SPG11: variants seen among roughly 807,000 people sequenced by gnomAD.
SPG11 encodes SPG11 vesicle trafficking associated, spatacsin.
A neutral mutation model predicts 274.0 loss-of-function variants in SPG11; 222 were observed. The ratio of observed to expected loss-of-function variants is 0.81; its 90% CI spans 0.73 to 0.91. SPG11 has a LOEUF of 0.91. SPG11 is among the 40% of genes least tolerant of loss of function. The pLI, the probability that SPG11 is intolerant of heterozygous loss-of-function variation, is 0.00. For synonymous variants in SPG11, 1,144 were observed against 1,039.7 expected, an observed-to-expected ratio of 1.10 and a Z score of -1.93; for missense variants, 3,114 against 2,872.7, an observed-to-expected ratio of 1.08 and a Z score of -1.92.
In SPG11 at chr15:44,574,886, A is replaced by AC. The variant is rs758198610; in HGVS notation, c.6006+15dup. 168 of 1,613,070 alleles carry AC rather than the reference A, an allele frequency of 1.0e-4. No individual in the cohort carries two copies. The highest frequency in any genetic ancestry group is 1.3e-4 in the Non-Finnish European group (158 of 1,179,946). Reference sequence around the variant, plus strand: ...CCTCCCTCTCAGAAAGAGGAGCCCCACCCCTTGGCACATACCTTGGCAAGA... The same window carrying AC: ...CCTCCCTCTCAGAAAGAGGAGCCCCACCCCCTTGGCACATACCTTGGCAAGA... On this transcript the variant is annotated intron_variant, in intron 31 of 39. Coordinates refer to ENST00000261866, the MANE Select transcript of SPG11 (RefSeq NM_025137.4).
At position 44,652,219 on chromosome 15, in the gene SPG11, G is replaced by C; in HGVS notation, c.917C>G (p.Pro306Arg). The change falls in exon 5 of 40, where the codon CCT (proline) becomes CGT (arginine). Residue 306 changes from proline to arginine, a missense_variant. By Grantham distance (103) the Pro-to-Arg change is moderately radical. Transcript: ENST00000261866. Reference protein sequence around the residue: ...LLCERILEDLPIQGPKGVDED... With the variant: ...LLCERILEDLRIQGPKGVDED... ...ATCTACGCCCTTAGGTCCTTGAATA[G>C]GAAGATCTTCTAGTATTCTTTCACA... 1 of 1,614,068 alleles carries C rather than the reference G, an allele frequency of 6.2e-7. No homozygotes were observed.
At chr15:44,572,311 AG>A in intron 33 of SPG11, among the ~76,000 whole-genome samples, 1 of 151,976 alleles carries the variant, frequency 6.6e-6, no homozygotes, top group Non-Finnish European at 1.5e-5. Flanking sequence ...GAAAATAAAC[AG>A]GCTTTGAATC....
Position 44,629,251 on chromosome 15 carries a change from G to A in SPG11, c.1873C>T (p.Leu625Phe). ...TTCTTACCTTCAGTGTGAATGAAAA[G>A]CTCCTTTATTTGGTTGTTAAGGAAA... Reference protein sequence around the residue: ...LSFLNNQIKELFIHTEELDEH... With the variant: ...LSFLNNQIKEFFIHTEELDEH... Residue 625 changes from leucine (L) to phenylalanine (F), a missense_variant, in exon 9 of 40, where the codon CTT becomes TTT. By Grantham distance (22) the Leu-to-Phe change is conservative. Transcript: ENST00000261866. 1 of 1,614,020 alleles carries A rather than the reference G, an allele frequency of 6.2e-7. No individual in the cohort carries two copies. Among genetic ancestry groups the A allele is most frequent in the Non-Finnish European group, 8.5e-7 (1 of 1,179,936 alleles).
chr15:44,579,025 G>A (rs886065779), intron 30 of SPG11, among the ~76,000 whole-genome samples: 1 of 151,672 alleles, frequency 6.6e-6, no homozygotes, highest in African/African-American at 2.4e-5. Context: ...AGGTGTGGTG[G>A]TGCACACCTG....
In SPG11 at chr15:44,565,869, T is replaced by G; in HGVS notation, c.6984A>C (p.Leu2328=). ...TCTTGCTCACCTGGTAGAACCGAGG[T>G]AGGGCCAGAATACAGTCCATCAGCT... The part of the protein sequence containing the change: ...RHKLMDCILA[L]PRFYQASIVA... The change falls in exon 38 of 40, where the codon CTA becomes CTC. Residue 2328 remains leucine, a synonymous_variant. Coordinates refer to ENST00000261866, the MANE Select transcript of SPG11 (RefSeq NM_025137.4). 1 of 1,614,054 alleles carries G rather than the reference T, an allele frequency of 6.2e-7. No homozygotes were observed. Among genetic ancestry groups the G allele is most frequent in the African/African-American group, 1.3e-5 (1 of 75,028 alleles).
intron 30 of SPG11, 94 bp downstream of exon 30, chr15:44,583,720 G>T: frequency 1.3e-6 from 2 of 1,563,282 alleles, no homozygotes; most frequent in African/African-American, 2.7e-5. Context: ...CCTTAACTTG[G>T]TAGAACTATT....
intron 7 of SPG11, among the ~76,000 whole-genome samples, chr15:44,636,238 C>T (rs149762914): frequency 1.6e-4 from 25 of 151,666 alleles, no homozygotes; most frequent in African/African-American, 5.1e-4. Context: ...AGGTGACACC[C>T]GCCAAAAAAA....
chr15:44,663,337 G>C, intron 1 of SPG11, 54 bp downstream of exon 1: 1 of 1,574,286 alleles, frequency 6.4e-7, no homozygotes. Flanking sequence ...GGCTCAGTCA[G>C]CCGAGCCTAG....
In SPG11 at chr15:44,565,726, G is replaced by T. The variant is rs982891186; in HGVS notation, c.6999+128C>A. 22 of 1,164,148 alleles carry T rather than the reference G, an allele frequency of 1.9e-5. No homozygotes were observed. In the African/African-American group the frequency reaches 3.0e-4, roughly 16 times the overall value. The allele number at this position is 1,164,148 out of a possible 1,614,324, so 72.1% of individuals were successfully genotyped here. On this transcript the variant is annotated intron_variant, in intron 38 of 39. Transcript: ENST00000261866. ...ATTGCCGTTCTATGTTGGTATCAGA[G>T]AGTTAAATCAGAACTGTACTGTCCT...
At chr15:44,566,374 G>T in intron 36 of SPG11, 69 bp from the exon 37 acceptor site, 5 of 1,462,828 alleles carry the variant, frequency 3.4e-6, no homozygotes, top group Non-Finnish European at 4.7e-6. Context: ...CCCACTCATT[G>T]TGATCGTGGC....
chr15:44,622,295 A>G lies in SPG11; in HGVS notation c.2369T>C (p.Ile790Thr), dbSNP rs2083775510. Residue 790 changes from isoleucine (I) to threonine (T), a missense_variant, in exon 13 of 40, where the codon ATA (isoleucine) becomes ACA (threonine). Ile to Thr is a moderately conservative substitution (Grantham distance 89). Coordinates refer to ENST00000261866, the MANE Select transcript of SPG11 (RefSeq NM_025137.4). ...CTTCTCAACTTGATGCACGAAGTCTATAGTTCTTTTCTCTTTTTCAGAAAA... is the reference window on the plus strand; with the variant it reads ...CTTCTCAACTTGATGCACGAAGTCTGTAGTTCTTTTCTCTTTTTCAGAAAA... ...NYFSEKEKRTIDFVHQVEKLY... is the reference protein window; with the variant it reads ...NYFSEKEKRTTDFVHQVEKLY... The G allele has an allele frequency of 6.3e-7, 1 of 1,583,954 alleles. No individual in the cohort carries two copies. The highest frequency in any genetic ancestry group is 8.6e-7 in the Non-Finnish European group (1 of 1,156,640).
chr15:44,566,103 G>C, intron 37 of SPG11, 94 bp from the exon 38 acceptor site: 1 of 1,592,398 alleles, frequency 6.3e-7, no homozygotes, highest in Non-Finnish European at 8.6e-7. Flanking sequence ...TTCTGTTCCT[G>C]GTTGGCCTAT....
At chr15:44,642,182 A>G (rs2084469587) in intron 7 of SPG11, among the ~76,000 whole-genome samples, 1 of 151,476 alleles carries the variant, frequency 6.6e-6, no homozygotes, top group South Asian at 2.1e-4. Flanking sequence ...TCTGGCAAAT[A>G]TCGTGAAACC....
At chr15:44,647,406 C>G (rs1223857355) in intron 7 of SPG11, among the ~76,000 whole-genome samples, 2 of 152,196 alleles carry the variant, frequency 1.3e-5, no homozygotes, top group Admixed American at 1.3e-4. Flanking sequence ...AGTAATTCCA[C>G]AGCTAGGTAT....
In SPG11 at chr15:44,613,526, C is replaced by T; in HGVS notation, c.3049G>A (p.Glu1017Lys). 2 of 1,610,592 alleles carry T rather than the reference C, an allele frequency of 1.2e-6. No homozygotes were observed. The highest frequency in any genetic ancestry group is 2.2e-5 in the East Asian group (1 of 44,798). The change falls in exon 17 of 40, where the codon GAA becomes AAA. Residue 1017 changes from glutamate (E) to lysine (K), a missense_variant. By Grantham distance (56) the Glu-to-Lys change is moderately conservative. Coordinates refer to ENST00000261866, the MANE Select transcript of SPG11 (RefSeq NM_025137.4). ...VYLDCYKLSP[E>K]NCPFLEKKEL... The stretch of plus-strand genomic sequence containing the variant: ...TTTTTTTCCAAAAAGGGACAATTTT[C>T]AGGACTAAGTCTGTATATAAAACAA...
intron 20 of SPG11, among the ~76,000 whole-genome samples, chr15:44,601,407 C>G (rs2140984379): frequency 6.6e-6 from 1 of 152,072 alleles, no homozygotes; most frequent in Non-Finnish European, 1.5e-5. Context: ...ACCACAGGTG[C>G]ATGCCACCAC....
At chr15:44,566,057 A>G (rs1345857305) in intron 37 of SPG11, 48 bp from the exon 38 acceptor site, 1 of 1,610,456 alleles carries the variant, frequency 6.2e-7, no homozygotes, top group East Asian at 2.2e-5. Flanking sequence ...CCTAGTTGTC[A>G]CCTCCTGTGT....
intron 27 of SPG11, among the ~76,000 whole-genome samples, chr15:44,589,999 G>A (rs2082865070): frequency 1.3e-5 from 2 of 152,092 alleles, no homozygotes; most frequent in Non-Finnish European, 2.9e-5. Context: ...AATAGAGATG[G>A]GGTTTCACCA....
In SPG11 at chr15:44,615,517, G is replaced by C; in HGVS notation, c.2884C>G (p.Leu962Val). The change falls in exon 16 of 40, where the codon CTA (leucine) becomes GTA (valine). Residue 962 changes from leucine (L) to valine (V), a missense_variant. By Grantham distance (32) the Leu-to-Val change is conservative. Transcript: ENST00000261866. ...ACACCTCCAATACGGCTCAGTCTTA[G>C]GAGGAAGCATTCAAAGTCTTCCAGT... The part of the protein sequence containing the change: ...SELEDFECFL[L>V]RLSRIGGVIQ... 1 of 1,614,078 alleles carries C rather than the reference G, an allele frequency of 6.2e-7. No homozygotes were observed. The highest frequency in any genetic ancestry group is 1.7e-5 in the Admixed American group (1 of 60,014).
Sources: gnomAD v4.1 joint callset for allele counts (sites outside exome capture counted in the v4.1 genomes callset) on GRCh38, gnomAD v4.1.1 for gene constraint, MANE v1.5 for transcripts, NCBI Gene and HGNC (gene_info 2026-07-23, HGNC 2026-07-21) for gene names.